The following NCALD variants were observed in gnomAD, a reference collection of about 807,000 sequenced individuals.
The protein encoded by NCALD is neurocalcin-delta.
A neutral mutation model predicts 18.6 loss-of-function variants in NCALD; 10 were observed. The observed-to-expected ratio is 0.54, with a 90% CI of 0.33 to 0.91. The LOEUF is 0.91. NCALD is among the 40% of genes least tolerant of loss of function. The pLI, the probability that NCALD is intolerant of heterozygous loss-of-function variation, is 0.03. For synonymous variants in NCALD, 88 were observed against 87.4 expected, an observed-to-expected ratio of 1.01 and a Z score of -0.04; for missense variants, 184 against 247.6, an observed-to-expected ratio of 0.74 and a Z score of 1.72.
At chr8:102,021,789 G>C (rs1822283185) in intron 1 of NCALD, among the ~76,000 whole-genome samples, 1 of 152,166 alleles carries the variant, frequency 6.6e-6, no homozygotes, top group Non-Finnish European at 1.5e-5. Context: ...AAGTTTCTTA[G>C]GCATGAGCCG....
chr8:102,009,262 C>A (rs2132058989), intron 2 of NCALD, among the ~76,000 whole-genome samples: 1 of 152,310 alleles, frequency 6.6e-6, no homozygotes, highest in South Asian at 2.1e-4. Flanking sequence ...AAATTTCAGA[C>A]AATAAGATTG....
At chr8:102,006,344 T>C (rs78001412) in intron 2 of NCALD, among the ~76,000 whole-genome samples, 9 of 152,096 alleles carry the variant, frequency 5.9e-5, no homozygotes, top group Admixed American at 5.9e-4. Flanking sequence ...GGGCCCCTAA[T>C]AACATAGTAG....
chr8:102,094,624 T>G (rs1460113472), intron 1 of NCALD, among the ~76,000 whole-genome samples: 1 of 152,244 alleles, frequency 6.6e-6, no homozygotes, highest in Non-Finnish European at 1.5e-5. Flanking sequence ...TAAGACATTC[T>G]TATGGGCTGA....
chr8:102,053,923 CA>C (rs1286418704), intron 1 of NCALD, among the ~76,000 whole-genome samples: 57 of 152,282 alleles, frequency 3.7e-4, no homozygotes, highest in African/African-American at 1.3e-3. Flanking sequence ...GATTCTTACA[CA>C]GTTTGAAATG....
intron 4 of NCALD, among the ~76,000 whole-genome samples, chr8:101,804,502 T>G (rs1470139039): frequency 8.7e-6 from 1 of 115,402 alleles, no homozygotes; most frequent in Non-Finnish European, 1.6e-5. Context: ...TTAATATAAT[T>G]AATTATATAA....
chr8:102,072,121 G>C (rs995398642), intron 1 of NCALD, among the ~76,000 whole-genome samples: 18 of 152,118 alleles, frequency 1.2e-4, no homozygotes, highest in African/African-American at 3.6e-4. Context: ...AACTTGAATA[G>C]GCACTTTATA....
chr8:102,054,686 ATAGATAG>A (rs1334605585), intron 1 of NCALD, among the ~76,000 whole-genome samples: 69 of 116,616 alleles, frequency 5.9e-4, no homozygotes, highest in African/African-American at 2.0e-3. Context: ...AGATAGATAG[ATAGATAG>A]ATAGATAGAT....
At chr8:102,110,156 T>C (rs1231615330) in intron 1 of NCALD, among the ~76,000 whole-genome samples, 1 of 152,212 alleles carries the variant, frequency 6.6e-6, no homozygotes, top group Non-Finnish European at 1.5e-5. Context: ...CAGAGCTTTT[T>C]CTTTGTGGAT....
At chr8:102,039,239 G>A (rs189174811) in intron 1 of NCALD, among the ~76,000 whole-genome samples, 213 of 152,228 alleles carry the variant, frequency 1.4e-3, no homozygotes, top group African/African-American at 5.1e-3. Context: ...TGGGACCTCT[G>A]AGATAATAAA....
chr8:101,884,854 A>G (rs1281186816), intron 4 of NCALD, among the ~76,000 whole-genome samples: 1 of 152,084 alleles, frequency 6.6e-6, no homozygotes, highest in African/African-American at 2.4e-5. Flanking sequence ...CACTTTAATT[A>G]TCCTCTGAAT....
intron 2 of NCALD, among the ~76,000 whole-genome samples, chr8:101,948,006 T>C (rs772561409): frequency 1.3e-5 from 2 of 152,244 alleles, no homozygotes; most frequent in East Asian, 3.8e-4. Flanking sequence ...TGTGGCCAGG[T>C]TATGGCCAGT....
intron 4 of NCALD, among the ~76,000 whole-genome samples, chr8:101,861,865 T>G (rs1815556984): frequency 6.6e-6 from 1 of 152,264 alleles, no homozygotes; most frequent in Non-Finnish European, 1.5e-5. Context: ...AGGCTGCGTG[T>G]GTTCCTGGGT....
chr8:101,923,765 G>A (rs1031425566), intron 2 of NCALD, among the ~76,000 whole-genome samples: 1 of 151,670 alleles, frequency 6.6e-6, no homozygotes, highest in African/African-American at 2.4e-5. Context: ...TAGTGCTGGG[G>A]TTCTATTTGC....
chr8:102,064,445 C>T (rs1823940557), intron 1 of NCALD, among the ~76,000 whole-genome samples: 1 of 152,170 alleles, frequency 6.6e-6, no homozygotes, highest in African/African-American at 2.4e-5. Flanking sequence ...TGGATGGCTC[C>T]CCACACCTCC....
chr8:101,816,076 G>A (rs1025958443), intron 4 of NCALD, among the ~76,000 whole-genome samples: 1 of 152,188 alleles, frequency 6.6e-6, no homozygotes, highest in Non-Finnish European at 1.5e-5. Context: ...ACTATAAGAC[G>A]TTATTTTAAA....
chr8:102,040,129 C>T (rs1822997907), intron 1 of NCALD, among the ~76,000 whole-genome samples: 2 of 152,118 alleles, frequency 1.3e-5, no homozygotes, highest in South Asian at 4.1e-4. Flanking sequence ...AGTTTACATA[C>T]ATAAAGTCTA....
intron 1 of NCALD, among the ~76,000 whole-genome samples, chr8:102,092,131 C>A (rs189865216): frequency 6.6e-6 from 1 of 152,098 alleles, no homozygotes; most frequent in African/African-American, 2.4e-5. Flanking sequence ...GTAAAAAAGC[C>A]GGCCAAAACC....
intron 2 of NCALD, among the ~76,000 whole-genome samples, chr8:101,945,840 TAAAC>T (rs1819147564): frequency 2.0e-5 from 3 of 152,220 alleles, no homozygotes; most frequent in Admixed American, 1.3e-4. Flanking sequence ...GAAGAGTTGG[TAAAC>T]GAGGCTAAAT....
At chr8:101,828,826 GGGTT>G (rs1814051189) in intron 4 of NCALD, among the ~76,000 whole-genome samples, 1 of 151,986 alleles carries the variant, frequency 6.6e-6, no homozygotes, top group Admixed American at 6.6e-5. Flanking sequence ...CATGAGAGCT[GGGTT>G]TTTCGACGGT....
Sources: allele counts gnomAD v4.1 joint callset (sites outside exome capture counted in the v4.1 genomes callset), GRCh38; gene constraint gnomAD v4.1.1; transcripts MANE v1.5; gene names NCBI Gene and HGNC (gene_info 2026-07-23, HGNC 2026-07-21).